The following EXD2 variants were observed in gnomAD, a reference collection of about 807,000 sequenced individuals.
The protein encoded by EXD2 is exonuclease 3'-5' domain containing 2, also known as exonuclease 3'-5' domain-containing protein 2.
A neutral mutation model predicts 62.5 loss-of-function variants in EXD2; 40 were observed. The observed-to-expected ratio is 0.64, with a 90% CI of 0.50 to 0.83. The LOEUF (loss-of-function observed/expected upper bound fraction) is 0.83. Among genes scored for constraint, EXD2 ranks in the 40% least tolerant of loss-of-function variants. The pLI is 0.00. For missense variants in EXD2, 671 were observed against 761.8 expected (o/e 0.88, Z 1.40); for synonymous variants, 239 against 291.9 (o/e 0.82, Z 1.85).
chr14:69,233,628 A>C (rs972157403), intron 5 of EXD2, among the ~76,000 whole-genome samples: 1 of 151,458 alleles, frequency 6.6e-6, no homozygotes, highest in African/African-American at 2.4e-5. Context: ...TTTAGTAGAG[A>C]TGGGGTTTCC....
chr14:69,216,296 C>CT (rs1471696164), intron 3 of EXD2, among the ~76,000 whole-genome samples: 1 of 152,172 alleles, frequency 6.6e-6, no homozygotes, highest in Non-Finnish European at 1.5e-5. Context: ...TCTTGATTGT[C>CT]TAATTTTCTG....
chr14:69,205,440 T>C (rs1178773992), intron 2 of EXD2, among the ~76,000 whole-genome samples: 1 of 152,174 alleles, frequency 6.6e-6, no homozygotes, highest in Non-Finnish European at 1.5e-5. Flanking sequence ...TTTCTGTATG[T>C]CTGGTCTACA....
chr14:69,205,441 C>G (rs1441348849), intron 2 of EXD2, among the ~76,000 whole-genome samples: 1 of 151,960 alleles, frequency 6.6e-6, no homozygotes, highest in African/African-American at 2.4e-5. Flanking sequence ...TTCTGTATGT[C>G]TGGTCTACAT....
chr14:69,209,713 G>T lies in EXD2; in HGVS notation c.243G>T (p.Thr81=), dbSNP rs963430013. 1 of 1,550,298 alleles carries T rather than the reference G, an allele frequency of 6.5e-7. No individual in the cohort carries two copies. The highest frequency in any genetic ancestry group is 8.7e-7 in the Non-Finnish European group (1 of 1,146,902). The change falls in exon 3 of 10, where the codon ACG becomes ACT. Residue 81 remains threonine (T), a synonymous_variant. Coordinates refer to ENST00000685843, the MANE Select transcript of EXD2 (RefSeq NM_001193360.2). ...GGATCCTTAAAGCAAAGGTGGTGACGGTGTCTCAGGAGGCAGAGTGGGATC... is the reference window on the plus strand; with the variant it reads ...GGATCCTTAAAGCAAAGGTGGTGACTGTGTCTCAGGAGGCAGAGTGGGATC... ...KERILKAKVV[T]VSQEAEWDQI... is the part of the protein sequence containing the mutation.
rs1256460691 is a variant in EXD2 at position 69,230,530 on chromosome 14, T to C, written c.649T>C (p.Phe217Leu). 1.2e-6 allele frequency: 2 copies of C among 1,613,870 alleles called. No homozygotes were observed. The highest frequency in any genetic ancestry group is 4.5e-5 in the East Asian group (2 of 44,890). ...GTCCCTCGCTGAGACTGTTTTGAAC[T>C]TTCCCCTTGACAAGTCCCTTCTACT... ...LKSLAETVLN[F>L]PLDKSLLLRC... is the part of the protein sequence containing the mutation. The change falls in exon 5 of 10, where the codon TTT (phenylalanine) becomes CTT (leucine). Residue 217 changes from phenylalanine to leucine, a missense_variant. Phe to Leu is a conservative substitution (Grantham distance 22). Transcript: ENST00000685843.
intron 3 of EXD2, 143 bp downstream of exon 3, chr14:69,209,946 C>CAGA (rs1276119498): frequency 1.5e-6 from 1 of 651,696 alleles, no homozygotes. Context: ...CAGATTTTAG[C>CAGA]AGAAGAAGAA....
intron 3 of EXD2, 21 bp downstream of exon 3, chr14:69,209,824 T>TAAAAA: frequency 8.5e-6 from 9 of 1,056,226 alleles, no homozygotes; most frequent in Non-Finnish European, 1.1e-5. Context: ...AAGCAAAAGT[T>TAAAAA]AAAAAAAAAA....
chr14:69,200,636 G>T (rs2042364817), intron 1 of EXD2, among the ~76,000 whole-genome samples: 1 of 152,006 alleles, frequency 6.6e-6, no homozygotes, highest in African/African-American at 2.4e-5. Context: ...TTGAGCTCAG[G>T]AGGTGGAGGT....
At chr14:69,226,469 C>T (rs149798519) in intron 3 of EXD2, among the ~76,000 whole-genome samples, 34 of 152,112 alleles carry the variant, frequency 2.2e-4, no homozygotes, top group Non-Finnish European at 3.7e-4. Context: ...GCTAGAGGGC[C>T]GGGCATGGTA....
chr14:69,213,403 G>C (rs1197205891), intron 3 of EXD2, among the ~76,000 whole-genome samples: 3 of 140,142 alleles, frequency 2.1e-5, no homozygotes, highest in Non-Finnish European at 1.5e-5. Context: ...TTTTTTAAGA[G>C]ATGAGGTCTT....
intron 5 of EXD2, among the ~76,000 whole-genome samples, chr14:69,233,993 C>G (rs1282785378): frequency 6.6e-6 from 1 of 152,114 alleles, no homozygotes; most frequent in Non-Finnish European, 1.5e-5. Context: ...TTTCGAACTC[C>G]TGACCTCAGG....
At chr14:69,194,423 C>G (rs2042131835) in intron 1 of EXD2, among the ~76,000 whole-genome samples, 1 of 152,258 alleles carries the variant, frequency 6.6e-6, no homozygotes, top group South Asian at 2.1e-4. Flanking sequence ...CAGGTGTGAG[C>G]CACCGCGCCC....
At chr14:69,197,587 C>T (rs1042263808) in intron 1 of EXD2, among the ~76,000 whole-genome samples, 19 of 151,986 alleles carry the variant, frequency 1.3e-4, no homozygotes, top group Admixed American at 3.9e-4. Flanking sequence ...CCTGTCTTCC[C>T]CTCCCCTCTG....
chr14:69,213,005 C>G (rs568289583), intron 3 of EXD2, among the ~76,000 whole-genome samples: 1 of 151,788 alleles, frequency 6.6e-6, no homozygotes, highest in Non-Finnish European at 1.5e-5. Context: ...GCAACCGTGC[C>G]TGGCCTATGT....
At chr14:69,194,581 A>G (rs1449887474) in intron 1 of EXD2, among the ~76,000 whole-genome samples, 1 of 152,100 alleles carries the variant, frequency 6.6e-6, no homozygotes. Context: ...TCCTGGCCTC[A>G]GGAGATTCTC....
At chr14:69,226,072 T>TA (rs2043352294) in intron 3 of EXD2, among the ~76,000 whole-genome samples, 1 of 152,218 alleles carries the variant, frequency 6.6e-6, no homozygotes, top group Admixed American at 6.5e-5. Context: ...GACCTGACTG[T>TA]AAAGAGGTAC....
At chr14:69,209,825 A>G in intron 3 of EXD2, 22 bp downstream of exon 3, 2 of 180,568 alleles carry the variant, frequency 1.1e-5, no homozygotes, top group South Asian at 3.6e-4. Flanking sequence ...AGCAAAAGTT[A>G]AAAAAAAAAA....
intron 2 of EXD2, among the ~76,000 whole-genome samples, chr14:69,206,002 T>C (rs2042579089): frequency 6.6e-6 from 1 of 152,098 alleles, no homozygotes; most frequent in Admixed American, 6.6e-5. Flanking sequence ...CACTGCAATC[T>C]CCACCTCCCA....
intron 1 of EXD2, among the ~76,000 whole-genome samples, chr14:69,198,500 T>C (rs2042283414): frequency 6.6e-6 from 1 of 152,186 alleles, no homozygotes. Context: ...TGTTATTTGC[T>C]CTCCAGTGTC....
Sources: allele counts gnomAD v4.1 joint callset (sites outside exome capture counted in the v4.1 genomes callset), GRCh38; gene constraint gnomAD v4.1.1; transcripts MANE v1.5; gene names NCBI Gene and HGNC (gene_info 2026-07-23, HGNC 2026-07-21).